SIMC1: variants seen among roughly 807,000 people sequenced by gnomAD.
The protein encoded by SIMC1 is SUMO-interacting motif-containing protein 1.
Under a neutral mutation model 82.3 loss-of-function variants are expected in SIMC1, and 55 were observed. That is an observed-to-expected ratio of 0.67 (90% CI 0.54 to 0.84). SIMC1 has a LOEUF of 0.84. Ranked by LOEUF, SIMC1 falls within the 40% of genes least tolerant of loss-of-function variation. SIMC1 has a pLI of 0.00. For missense variants in SIMC1, 915 were observed against 1,107.2 expected (o/e 0.83, Z 2.46); for synonymous variants, 353 against 426.3 (o/e 0.83, Z 2.12).
At chr5:176,316,485 G>A (rs1240437012) in intron 5 of SIMC1, among the ~76,000 whole-genome samples, 9 of 143,890 alleles carry the variant, frequency 6.3e-5, no homozygotes, top group Non-Finnish European at 1.4e-4. Context: ...TAGCCAACAT[G>A]GTGAAACCCC....
intron 1 of SIMC1, among the ~76,000 whole-genome samples, chr5:176,257,492 G>A (rs911581835): frequency 6.6e-6 from 1 of 152,096 alleles, no homozygotes; most frequent in Non-Finnish European, 1.5e-5. Flanking sequence ...ATCACATGGA[G>A]AGAGCAAGAG....
rs145810848 is a variant in SIMC1 at position 176,290,549 on chromosome 5, T to G, written c.1025T>G (p.Val342Gly). The change falls in exon 2 of 10, where the codon GTG becomes GGG. Residue 342 changes from valine (V) to glycine (G), a missense_variant. Val to Gly is a moderately radical substitution (Grantham distance 109). Transcript: ENST00000429602. ...PGGMPHLPGD[V>G]LHSPGDMPHS... ...GGCATGCCACACTTACCGGGAGATG[T>G]GTTACATTCACCTGGAGACATGCCA... 121 of 1,613,914 alleles carry G rather than the reference T, an allele frequency of 7.5e-5. No individual in the cohort carries two copies. Among genetic ancestry groups the G allele is most frequent in the Non-Finnish European group, 9.9e-5 (117 of 1,179,876 alleles).
At chr5:176,266,171 G>T (rs1337771839) in intron 1 of SIMC1, among the ~76,000 whole-genome samples, 3 of 152,040 alleles carry the variant, frequency 2.0e-5, no homozygotes, top group African/African-American at 7.3e-5. Flanking sequence ...GCTGCATAGG[G>T]TGATATCTGT....
At chr5:176,332,240 G>A (rs1383864168) in intron 7 of SIMC1, among the ~76,000 whole-genome samples, 1 of 151,984 alleles carries the variant, frequency 6.6e-6, no homozygotes, top group Non-Finnish European at 1.5e-5. Flanking sequence ...TATCTCTCCT[G>A]TTGGCTTTTA....
intron 1 of SIMC1, among the ~76,000 whole-genome samples, chr5:176,279,133 T>C (rs933585123): frequency 6.6e-6 from 1 of 152,196 alleles, no homozygotes; most frequent in Non-Finnish European, 1.5e-5. Flanking sequence ...TCAGATCCTG[T>C]TATTGGTCTA....
At chr5:176,277,948 A>G (rs1401924561) in intron 1 of SIMC1, among the ~76,000 whole-genome samples, 3 of 148,740 alleles carry the variant, frequency 2.0e-5, no homozygotes, top group Admixed American at 6.8e-5. Context: ...TTTTGGTTCC[A>G]TATGAACTTT....
chr5:176,243,608 A>G (rs570545923), intron 1 of SIMC1, among the ~76,000 whole-genome samples: 21 of 149,228 alleles, frequency 1.4e-4, no homozygotes, highest in Non-Finnish European at 3.0e-4. Context: ...TGCAACCCCC[A>G]CTTCCCAGGT....
chr5:176,291,636 C>T (rs1419921948), intron 2 of SIMC1, among the ~76,000 whole-genome samples: 2 of 148,174 alleles, frequency 1.3e-5, no homozygotes, highest in African/African-American at 5.0e-5. Context: ...GCGCCTGGCA[C>T]GCCCGGCTAA....
chr5:176,276,468 T>C (rs1762703622), intron 1 of SIMC1, among the ~76,000 whole-genome samples: 1 of 151,208 alleles, frequency 6.6e-6, no homozygotes, highest in Non-Finnish European at 1.5e-5. Flanking sequence ...TTATTATACT[T>C]TAAGTTTTAG....
chr5:176,340,652 G>A (rs1395306175), intron 9 of SIMC1, among the ~76,000 whole-genome samples: 1 of 152,122 alleles, frequency 6.6e-6, no homozygotes, highest in African/African-American at 2.4e-5. Context: ...GTGCTCACTG[G>A]GAAAACCTTA....
intron 1 of SIMC1, among the ~76,000 whole-genome samples, chr5:176,246,624 A>G (rs928912761): frequency 2.0e-5 from 3 of 151,710 alleles, no homozygotes; most frequent in Admixed American, 6.6e-5. Context: ...TATTATTATT[A>G]TTATTCTTTA....
In SIMC1 at chr5:176,337,083, A is replaced by C; in HGVS notation, c.2350A>C (p.Thr784Pro). Residue 784 changes from threonine to proline, a missense_variant, in exon 9 of 10, where the codon ACT (threonine) becomes CCT (proline). Coordinates refer to ENST00000429602, the MANE Select transcript of SIMC1 (RefSeq NM_001308195.2). ...KCQSDKSQWQTWDELVEHLQF... is the reference protein window; with the variant it reads ...KCQSDKSQWQPWDELVEHLQF... ...GCAGTCAGATAAAAGCCAGTGGCAG[A>C]CTTGGGACGAATTGGTTGAGCATCT... 1 of 1,614,026 alleles carries C rather than the reference A, an allele frequency of 6.2e-7. No homozygotes were observed. Among genetic ancestry groups the C allele is most frequent in the Non-Finnish European group, 8.5e-7 (1 of 1,179,894 alleles).
In SIMC1 at chr5:176,336,871, T is replaced by C; in HGVS notation, c.2323T>C (p.Cys775Arg). The change falls in exon 8 of 10, where the codon TGT (cysteine) becomes CGT (arginine). Residue 775 changes from cysteine to arginine, a missense_variant. Physicochemically the swap from Cys to Arg is radical, Grantham distance 180 (BLOSUM62 -3). Coordinates refer to ENST00000429602, the MANE Select transcript of SIMC1 (RefSeq NM_001308195.2). Reference protein sequence around the residue: ...FLNNSTSLLKCQSDKSQWQTW... With the variant: ...FLNNSTSLLKRQSDKSQWQTW... ...GAATAATTCTACGTCACTGCTCAAG[T>C]GTCAGGTACATTTTTTCCTGCCCAA... The C allele has an allele frequency of 1.2e-6, 2 of 1,614,002 alleles. No individual in the cohort carries two copies. The highest frequency in any genetic ancestry group is 1.7e-6 in the Non-Finnish European group (2 of 1,179,892).
chr5:176,319,037 T>C (rs1267961194), intron 5 of SIMC1, among the ~76,000 whole-genome samples: 1 of 152,078 alleles, frequency 6.6e-6, no homozygotes, highest in Non-Finnish European at 1.5e-5. Context: ...TGAGCCTGGG[T>C]GGCAGAGGTT....
At chr5:176,329,432 G>A (rs527489534) in intron 7 of SIMC1, among the ~76,000 whole-genome samples, 1 of 150,432 alleles carries the variant, frequency 6.6e-6, no homozygotes, top group Non-Finnish European at 1.5e-5. Context: ...GATAGAGATA[G>A]TGCAACTGCA....
intron 1 of SIMC1, among the ~76,000 whole-genome samples, chr5:176,263,742 T>C (rs1015149793): frequency 3.3e-5 from 5 of 152,106 alleles, no homozygotes; most frequent in African/African-American, 1.2e-4. Context: ...GTCATATCCT[T>C]CTCACATTGC....
chr5:176,245,616 T>C (rs1183246300), intron 1 of SIMC1, among the ~76,000 whole-genome samples: 1 of 152,214 alleles, frequency 6.6e-6, no homozygotes, highest in Non-Finnish European at 1.5e-5. Context: ...TCCTTTTCTT[T>C]ATGATTTCTT....
chr5:176,249,962 T>C (rs1389553268), intron 1 of SIMC1, among the ~76,000 whole-genome samples: 4 of 152,064 alleles, frequency 2.6e-5, no homozygotes, highest in Admixed American at 1.3e-4. Context: ...TTCTGCTAGC[T>C]TTTGAATTTG....
chr5:176,287,034 C>T (rs1362066862), intron 1 of SIMC1, among the ~76,000 whole-genome samples: 3 of 152,192 alleles, frequency 2.0e-5, no homozygotes, highest in East Asian at 1.9e-4. Flanking sequence ...GTTGGTGGGA[C>T]TGTAAACTAG....
Sources: gnomAD v4.1 joint callset for allele counts (sites outside exome capture counted in the v4.1 genomes callset) on GRCh38, gnomAD v4.1.1 for gene constraint, MANE v1.5 for transcripts, NCBI Gene and HGNC (gene_info 2026-07-23, HGNC 2026-07-21) for gene names.